The following ST6GALNAC3 variants were observed in gnomAD, a reference collection of about 807,000 sequenced individuals.
ST6GALNAC3 encodes the protein alpha-N-acetylgalactosaminide alpha-2,6-sialyltransferase 3.
In ST6GALNAC3, 25 loss-of-function variants were observed where a neutral mutation model predicts 32.7. The ratio of observed to expected loss-of-function variants is 0.76; its 90% CI spans 0.56 to 1.07. ST6GALNAC3 has a LOEUF of 1.07. Ranked by LOEUF, ST6GALNAC3 falls within the 50% of genes least tolerant of loss-of-function variation. ST6GALNAC3 has a pLI of 0.00. For synonymous variants in ST6GALNAC3, 129 were observed against 133.1 expected (o/e 0.97, Z 0.21); for missense variants, 355 against 382.4 (o/e 0.93, Z 0.60).
intron 1 of ST6GALNAC3, among the ~76,000 whole-genome samples, chr1:76,102,775 A>G (rs1309166307): frequency 6.6e-6 from 1 of 151,972 alleles, no homozygotes; most frequent in Non-Finnish European, 1.5e-5. Flanking sequence ...TTGATTAATC[A>G]TATATTTATT....
At chr1:76,222,567 C>T (rs1191105277) in intron 1 of ST6GALNAC3, among the ~76,000 whole-genome samples, 12 of 151,914 alleles carry the variant, frequency 7.9e-5, no homozygotes, top group African/African-American at 2.4e-4. Flanking sequence ...TGCTTAATGA[C>T]GAGTTAATGG....
chr1:76,349,917 C>T (rs1570923986), intron 2 of ST6GALNAC3, among the ~76,000 whole-genome samples: 3 of 152,234 alleles, frequency 2.0e-5, no homozygotes, highest in African/African-American at 7.2e-5. Context: ...CTTTTCTCCC[C>T]TTTTTCATTG....
At chr1:76,458,780 T>A (rs1022902523) in intron 3 of ST6GALNAC3, among the ~76,000 whole-genome samples, 23 of 151,316 alleles carry the variant, frequency 1.5e-4, no homozygotes, top group Admixed American at 1.4e-3. Flanking sequence ...ATATACCTAA[T>A]GCCAGATGAT....
chr1:76,084,049 A>G (rs1308712732), intron 1 of ST6GALNAC3, among the ~76,000 whole-genome samples: 1 of 152,250 alleles, frequency 6.6e-6, no homozygotes, highest in African/African-American at 2.4e-5. Flanking sequence ...TCAATGCTCA[A>G]AAGCCACATG....
At chr1:76,108,686 T>C (rs780734227) in intron 1 of ST6GALNAC3, among the ~76,000 whole-genome samples, 1 of 152,140 alleles carries the variant, frequency 6.6e-6, no homozygotes, top group Non-Finnish European at 1.5e-5. Context: ...GTATGAAGGG[T>C]CTCTAAACTA....
intron 3 of ST6GALNAC3, among the ~76,000 whole-genome samples, chr1:76,505,344 G>C (rs1460215843): frequency 6.6e-6 from 1 of 151,996 alleles, no homozygotes; most frequent in Non-Finnish European, 1.5e-5. Context: ...GGATGGTCTC[G>C]ATCTCCTGAC....
intron 3 of ST6GALNAC3, among the ~76,000 whole-genome samples, chr1:76,455,906 C>A (rs1223719924): frequency 2.0e-5 from 3 of 152,156 alleles, no homozygotes; most frequent in Non-Finnish European, 2.9e-5. Flanking sequence ...TACTTTATGG[C>A]TGGATGTGGT....
intron 3 of ST6GALNAC3, among the ~76,000 whole-genome samples, chr1:76,461,704 T>A (rs1477819554): frequency 6.6e-6 from 1 of 152,152 alleles, no homozygotes; most frequent in Non-Finnish European, 1.5e-5. Context: ...ATATACCTGA[T>A]GTTGACAGTA....
rs148882493 is a variant in ST6GALNAC3, at chr1:76,364,184, A to G, written c.214-47824A>G. Among the ~76,000 whole-genome samples the G allele has an allele frequency of 3.0e-3, 460 of 152,360 alleles. 5 individuals carry two copies. The highest frequency in any genetic ancestry group is 0.01 in the African/African-American group (429 of 41,570). On this transcript the variant is annotated intron_variant, in intron 2 of 4. Coordinates refer to ENST00000328299, the MANE Select transcript of ST6GALNAC3 (RefSeq NM_152996.4). Reference sequence around the variant, plus strand: ...ATTGGTGAATAGGCAATGGAAGTGAATGACTCTTTATCTCCTGAAGGACCA... The same window carrying G: ...ATTGGTGAATAGGCAATGGAAGTGAGTGACTCTTTATCTCCTGAAGGACCA...
intron 3 of ST6GALNAC3, among the ~76,000 whole-genome samples, chr1:76,470,107 C>T (rs569034310): frequency 6.6e-6 from 1 of 152,176 alleles, no homozygotes; most frequent in African/African-American, 2.4e-5. Flanking sequence ...CCTATTGATA[C>T]ACCAGGGCCA....
intron 3 of ST6GALNAC3, among the ~76,000 whole-genome samples, chr1:76,597,499 A>G (rs1368412835): frequency 6.6e-6 from 1 of 151,842 alleles, no homozygotes; most frequent in Non-Finnish European, 1.5e-5. Flanking sequence ...AATGTACCAA[A>G]CCCTGTCCAG....
At chr1:76,599,075 G>C (rs1418348491) in intron 3 of ST6GALNAC3, among the ~76,000 whole-genome samples, 3 of 151,896 alleles carry the variant, frequency 2.0e-5, no homozygotes, top group Admixed American at 1.3e-4. Context: ...TTTTCTTACA[G>C]ACATTTTGAT....
At chr1:76,125,389 A>G (rs1649175212) in intron 1 of ST6GALNAC3, among the ~76,000 whole-genome samples, 1 of 151,670 alleles carries the variant, frequency 6.6e-6, no homozygotes, top group Non-Finnish European at 1.5e-5. Context: ...CTTCACCATC[A>G]TCTGGTCTTT....
At chr1:76,463,124 G>T (rs974556190) in intron 3 of ST6GALNAC3, among the ~76,000 whole-genome samples, 3 of 152,098 alleles carry the variant, frequency 2.0e-5, no homozygotes, top group African/African-American at 4.8e-5. Context: ...ATGCTGCAGA[G>T]AATTTAATAG....
chr1:76,293,502 A>C (rs955949608), intron 1 of ST6GALNAC3, among the ~76,000 whole-genome samples: 2 of 152,228 alleles, frequency 1.3e-5, no homozygotes, highest in Admixed American at 6.5e-5. Flanking sequence ...CTGAGTCCCA[A>C]AGAGCCCATG....
At chr1:76,554,484 T>TG (rs1312392194) in intron 3 of ST6GALNAC3, among the ~76,000 whole-genome samples, 1 of 146,594 alleles carries the variant, frequency 6.8e-6, no homozygotes, top group Non-Finnish European at 1.5e-5. Context: ...TGTTATTTCT[T>TG]GATAGAGCAA....
chr1:76,280,009 G>C (rs1659408431), intron 1 of ST6GALNAC3, among the ~76,000 whole-genome samples: 1 of 151,520 alleles, frequency 6.6e-6, no homozygotes. Flanking sequence ...CTCTCATCTT[G>C]CCCTTTCTCT....
intron 3 of ST6GALNAC3, among the ~76,000 whole-genome samples, chr1:76,497,801 A>G (rs1461384987): frequency 6.6e-6 from 1 of 152,158 alleles, no homozygotes; most frequent in African/African-American, 2.4e-5. Context: ...CTGAAGACTG[A>G]TATCTCACTC....
At chr1:76,437,387 C>T (rs562709868) in intron 3 of ST6GALNAC3, among the ~76,000 whole-genome samples, 1 of 152,010 alleles carries the variant, frequency 6.6e-6, no homozygotes, top group Non-Finnish European at 1.5e-5. Context: ...CATTGCCTCT[C>T]AGCAGCCCTG....
Sources: gnomAD v4.1 joint callset for allele counts (sites outside exome capture counted in the v4.1 genomes callset) on GRCh38, gnomAD v4.1.1 for gene constraint, MANE v1.5 for transcripts, NCBI Gene and HGNC (gene_info 2026-07-23, HGNC 2026-07-21) for gene names.